CHN2: variants seen among roughly 807,000 people sequenced by gnomAD.
CHN2 encodes the protein chimerin 2, also known as beta-chimaerin.
CHN2 carries 35 observed loss-of-function variants against 56.3 expected under a neutral mutation model. The observed-to-expected ratio is 0.62, with a 90% CI of 0.47 to 0.82. CHN2 has a LOEUF of 0.82. CHN2 is among the 40% of genes least tolerant of loss of function. CHN2 has a pLI of 0.00. For missense variants in CHN2, 491 were observed against 580.5 expected, an observed-to-expected ratio of 0.85 and a Z score of 1.58; for synonymous variants, 210 against 212.8, an observed-to-expected ratio of 0.99 and a Z score of 0.12.
chr7:29,443,868 A>T (rs932106258), intron 6 of CHN2, among the ~76,000 whole-genome samples: 1 of 152,198 alleles, frequency 6.6e-6, no homozygotes, highest in African/African-American at 2.4e-5. Flanking sequence ...AGCAGGTCAT[A>T]TGGTCAAGCC....
intron 1 of CHN2, among the ~76,000 whole-genome samples, chr7:29,205,179 C>T (rs1015675779): frequency 2.6e-5 from 4 of 152,186 alleles, no homozygotes; most frequent in African/African-American, 9.7e-5. Context: ...GCTTGTGCTC[C>T]TTCTTACAGG....
chr7:29,280,383 C>CAATAAATAAATAA lies in CHN2; in HGVS notation c.50-74241_50-74240insATAAATAAATAAA, dbSNP rs67342328. 2.1e-4 allele frequency among the ~76,000 whole-genome samples: 32 copies of CAATAAATAAATAA among 150,422 alleles called. No homozygotes were observed. The East Asian group carries it at 3.2e-3, about 15-fold the overall frequency. ...TGGGTGACAGAGCGAGGCTCCGTCTCATAAATAAATAAATAAATAAATAAA... is the reference window on the plus strand; with the variant it reads ...TGGGTGACAGAGCGAGGCTCCGTCTCAATAAATAAATAAATAAATAAATAAATAAATAAATAAA... On this transcript the variant is annotated intron_variant, in intron 1 of 12. Coordinates refer to ENST00000222792, the MANE Select transcript of CHN2 (RefSeq NM_004067.4).
At chr7:29,372,118 T>A (rs1799663779) in intron 3 of CHN2, among the ~76,000 whole-genome samples, 1 of 152,104 alleles carries the variant, frequency 6.6e-6, no homozygotes, top group Non-Finnish European at 1.5e-5. Context: ...AGCCATAGTT[T>A]GCCTCCTGTG....
intron 1 of CHN2, among the ~76,000 whole-genome samples, chr7:29,344,515 G>C (rs898605060): frequency 4.6e-5 from 7 of 152,056 alleles, no homozygotes; most frequent in African/African-American, 1.4e-4. Flanking sequence ...AGACACTTCT[G>C]GCTCTCAGTG....
At chr7:29,376,622 A>G (rs1464320582) in intron 3 of CHN2, among the ~76,000 whole-genome samples, 4 of 152,120 alleles carry the variant, frequency 2.6e-5, no homozygotes, top group Non-Finnish European at 4.4e-5. Context: ...TCTGCTTTCT[A>G]TTTCATCCTT....
upstream of CHN2, chr7:29,194,178 A>T (rs1003583928): frequency 2.8e-5 from 1 of 36,276 alleles, no homozygotes; most frequent in East Asian, 5.7e-4. Flanking sequence ...GGTGAGCCCC[A>T]CCACCTTCCC....
intron 1 of CHN2, among the ~76,000 whole-genome samples, chr7:29,239,570 G>C (rs1454026180): frequency 2.6e-5 from 4 of 152,084 alleles, no homozygotes. Flanking sequence ...ATTAATTCTA[G>C]CCTTCATTCA....
rs1789290417 is a variant in CHN2, at chr7:29,496,406, T to C, written c.739+370T>C. On this transcript the variant is annotated intron_variant, in intron 8 of 12. Coordinates refer to ENST00000222792, the MANE Select transcript of CHN2 (RefSeq NM_004067.4). Reference sequence around the variant, plus strand: ...TGCTACAAAAGGTAAGACATAAAAATAGTAATAGTGCTGGTGAATATTTAC... The same window carrying C: ...TGCTACAAAAGGTAAGACATAAAAACAGTAATAGTGCTGGTGAATATTTAC... Among the ~76,000 whole-genome samples the C allele has an allele frequency of 2.0e-5, 3 of 151,814 alleles. No individual in the cohort carries two copies. In the South Asian group the frequency reaches 6.2e-4, roughly 32 times the overall value.
intron 3 of CHN2, among the ~76,000 whole-genome samples, chr7:29,391,292 A>C (rs1585239998): frequency 1.5e-5 from 2 of 137,864 alleles, no homozygotes; most frequent in South Asian, 5.3e-4. Context: ...AGTGGGGAAG[A>C]GAGGGAGAAA....
At chr7:29,249,459 C>T (rs1391977356) in intron 1 of CHN2, among the ~76,000 whole-genome samples, 1 of 152,228 alleles carries the variant, frequency 6.6e-6, no homozygotes, top group Non-Finnish European at 1.5e-5. Flanking sequence ...GGCCGATCAT[C>T]CCCACCTAAC....
At chr7:29,380,312 T>G (rs930516446) in intron 3 of CHN2, among the ~76,000 whole-genome samples, 1 of 152,112 alleles carries the variant, frequency 6.6e-6, no homozygotes, top group Non-Finnish European at 1.5e-5. Context: ...ACTATTTATA[T>G]GTATAAAGCA....
At chr7:29,421,848 T>C (rs1213812899) in intron 6 of CHN2, among the ~76,000 whole-genome samples, 1 of 152,086 alleles carries the variant, frequency 6.6e-6, no homozygotes, top group Non-Finnish European at 1.5e-5. Flanking sequence ...CACCGGCCCA[T>C]ATATATTGTG....
At chr7:29,275,087 C>A (rs1290058325) in intron 1 of CHN2, among the ~76,000 whole-genome samples, 1 of 152,172 alleles carries the variant, frequency 6.6e-6, no homozygotes, top group African/African-American at 2.4e-5. Context: ...CCCCTGTGAT[C>A]TTGATGGTTA....
intron 6 of CHN2, among the ~76,000 whole-genome samples, chr7:29,403,095 C>T (rs908435882): frequency 6.6e-6 from 1 of 152,096 alleles, no homozygotes; most frequent in Admixed American, 6.5e-5. Context: ...CCAAGGGACA[C>T]TGGGCCTGGT....
chr7:29,427,623 G>A (rs578021559), intron 6 of CHN2, among the ~76,000 whole-genome samples: 1 of 150,530 alleles, frequency 6.6e-6, no homozygotes, highest in Non-Finnish European at 1.5e-5. Context: ...TGTTGACCAA[G>A]CAAGCTATTA....
intron 1 of CHN2, among the ~76,000 whole-genome samples, chr7:29,349,094 A>G (rs1349888731): frequency 6.6e-6 from 1 of 152,164 alleles, no homozygotes; most frequent in Admixed American, 6.5e-5. Context: ...ACTGTATGCC[A>G]GGCATGAGAC....
At chr7:29,490,569 A>C (rs1171342615) in intron 7 of CHN2, among the ~76,000 whole-genome samples, 1 of 152,220 alleles carries the variant, frequency 6.6e-6, no homozygotes, top group East Asian at 1.9e-4. Flanking sequence ...CGAGTGAATA[A>C]TGAGTTGCTG....
At chr7:29,188,846 G>C (rs1387061674) in intron 2 of CHN2, among the ~76,000 whole-genome samples, 1 of 151,970 alleles carries the variant, frequency 6.6e-6, no homozygotes, top group Non-Finnish European at 1.5e-5. Flanking sequence ...CATTTCTATA[G>C]CTATTTTAAA....
chr7:29,498,807 G>A (rs1283326004), intron 8 of CHN2, among the ~76,000 whole-genome samples: 3 of 138,948 alleles, frequency 2.2e-5, no homozygotes, highest in African/African-American at 8.6e-5. Flanking sequence ...CTGTCACCAG[G>A]CTGGAGTGCG....
Sources: allele counts gnomAD v4.1 joint callset (sites outside exome capture counted in the v4.1 genomes callset), GRCh38; gene constraint gnomAD v4.1.1; transcripts MANE v1.5; gene names NCBI Gene and HGNC (gene_info 2026-07-23, HGNC 2026-07-21).